ROBO2: variants seen among roughly 807,000 people sequenced by gnomAD.
The protein encoded by ROBO2 is roundabout guidance receptor 2.
In ROBO2, 53 loss-of-function variants were observed where a neutral mutation model predicts 160.8. That is an observed-to-expected ratio of 0.33 (90% CI 0.26 to 0.41). The LOEUF (loss-of-function observed/expected upper bound fraction) is 0.41. ROBO2 is among the 10% of genes least tolerant of loss of function. The pLI, the probability that ROBO2 is intolerant of heterozygous loss-of-function variation, is 1.00. For missense variants in ROBO2, 1,577 were observed against 1,722.4 expected, an observed-to-expected ratio of 0.92 and a Z score of 1.49; for synonymous variants, 664 against 611.7, an observed-to-expected ratio of 1.09 and a Z score of -1.26.
intron 2 of ROBO2, among the ~76,000 whole-genome samples, chr3:77,183,433 T>C (rs2080982647): frequency 1.3e-5 from 2 of 151,904 alleles, no homozygotes; most frequent in Admixed American, 1.3e-4. Context: ...TAAAATGAGG[T>C]CATCAGGGTG....
intron 2 of ROBO2, among the ~76,000 whole-genome samples, chr3:77,290,266 C>T (rs1410219223): frequency 1.5e-5 from 2 of 134,608 alleles, no homozygotes; most frequent in African/African-American, 5.9e-5. Flanking sequence ...GAAGTTGAGG[C>T]TAGAACAGTA....
chr3:77,112,776 T>C (rs2073793216), intron 2 of ROBO2, among the ~76,000 whole-genome samples: 1 of 152,232 alleles, frequency 6.6e-6, no homozygotes, highest in African/African-American at 2.4e-5. Context: ...GATTATGCTA[T>C]ATGTGTTCTT....
rs543997285 is a variant in ROBO2 at position 77,401,064 on chromosome 3, A to G, written c.389-76350A>G. Among the ~76,000 whole-genome samples the G allele has an allele frequency of 5.3e-5, 8 of 152,206 alleles. No homozygotes were observed. In the East Asian group the frequency reaches 1.5e-3, roughly 29 times the overall value. On this transcript the variant is annotated intron_variant, in intron 2 of 25. Transcript: ENST00000461745. Reference sequence around the variant, plus strand: ...TCCACGATTCTTGGTTATTTCCTCCATAGAAGCCATGAACATAGAGGATAC... The same window carrying G: ...TCCACGATTCTTGGTTATTTCCTCCGTAGAAGCCATGAACATAGAGGATAC...
chr3:75,966,734 A>G (rs1009562177), intron 2 of ROBO2, among the ~76,000 whole-genome samples: 1 of 151,684 alleles, frequency 6.6e-6, no homozygotes, highest in Non-Finnish European at 1.5e-5. Context: ...TAGTGCCTAT[A>G]TTCTGATCTC....
chr3:76,656,423 G>A (rs562743937), intron 2 of ROBO2, among the ~76,000 whole-genome samples: 1 of 152,010 alleles, frequency 6.6e-6, no homozygotes, highest in East Asian at 1.9e-4. Context: ...ACTACACATA[G>A]CACTATTAAT....
chr3:77,044,167 A>T (rs922597040), intron 1 of ROBO2, among the ~76,000 whole-genome samples: 1 of 121,490 alleles, frequency 8.2e-6, no homozygotes, highest in African/African-American at 3.4e-5. Context: ...AAAATATTGT[A>T]AAAAAAAAAA....
At position 76,759,098 on chromosome 3, in the gene ROBO2, C is replaced by G. The variant is rs73844038; in HGVS notation, c.110-338916C>G. 1.8e-3 allele frequency among the ~76,000 whole-genome samples: 274 copies of G among 151,922 alleles called. 2 individuals are homozygous for G. The highest frequency in any genetic ancestry group is 6.1e-3 in the African/African-American group (254 of 41,514). On this transcript the variant is annotated intron_variant, in intron 2 of 26. Coordinates refer to the ROBO2 transcript ENST00000487694. ...ATATATTTACTTTTTCCAATCTCCA[C>G]TGTGTTAGAACTGGAACGAAACTTA... is the stretch of plus-strand genomic sequence containing the variant.
intron 2 of ROBO2, among the ~76,000 whole-genome samples, chr3:77,231,363 C>CA (rs60535204): frequency 0.44 from 26,159 of 59,448 alleles, 5,168 homozygotes; most frequent in Middle Eastern, 0.54. Flanking sequence ...AGACTCCATC[C>CA]AAAAAAAAAA....
intron 2 of ROBO2, among the ~76,000 whole-genome samples, chr3:76,928,536 T>A (rs2077130105): frequency 6.6e-6 from 1 of 152,020 alleles, no homozygotes; most frequent in African/African-American, 2.4e-5. Context: ...TTTAATATTA[T>A]TAGATGTTCT....
At chr3:76,410,670 G>T (rs1365537134) in intron 2 of ROBO2, among the ~76,000 whole-genome samples, 1 of 152,098 alleles carries the variant, frequency 6.6e-6, no homozygotes, top group Non-Finnish European at 1.5e-5. Flanking sequence ...TTATGTAGAA[G>T]AAGAGAAATG....
At chr3:77,166,978 A>G (rs2079155240) in intron 2 of ROBO2, among the ~76,000 whole-genome samples, 1 of 152,172 alleles carries the variant, frequency 6.6e-6, no homozygotes, top group South Asian at 2.1e-4. Context: ...ATGTTTCTTT[A>G]TTCTTTCTTG....
At chr3:77,098,632 G>T (rs1485698523) in intron 2 of ROBO2, among the ~76,000 whole-genome samples, 1 of 152,050 alleles carries the variant, frequency 6.6e-6, no homozygotes, top group Non-Finnish European at 1.5e-5. Flanking sequence ...CGGATCACGA[G>T]GTCAGGAGAT....
intron 2 of ROBO2, among the ~76,000 whole-genome samples, chr3:77,125,033 A>G (rs928412270): frequency 2.0e-5 from 3 of 152,098 alleles, no homozygotes; most frequent in Non-Finnish European, 2.9e-5. Context: ...TTCCAGTAAC[A>G]TCAGAATTCC....
intron 2 of ROBO2, among the ~76,000 whole-genome samples, chr3:76,290,756 T>C (rs981644705): frequency 1.2e-4 from 18 of 152,272 alleles, no homozygotes; most frequent in African/African-American, 4.1e-4. Flanking sequence ...ATTGAAAGAC[T>C]TTTCTGCGTT....
intron 2 of ROBO2, among the ~76,000 whole-genome samples, chr3:77,421,275 A>T (rs2077690723): frequency 6.6e-6 from 1 of 152,172 alleles, no homozygotes; most frequent in Non-Finnish European, 1.5e-5. Flanking sequence ...ATTTTGAGAT[A>T]CTTTTGTTTT....
chr3:75,924,193 G>A (rs1222605856), intron 1 of ROBO2, among the ~76,000 whole-genome samples: 3 of 152,180 alleles, frequency 2.0e-5, no homozygotes, highest in Non-Finnish European at 4.4e-5. Context: ...CAGCATGGGA[G>A]CATTGTGGTT....
intron 2 of ROBO2, among the ~76,000 whole-genome samples, chr3:77,292,707 C>A (rs1248058131): frequency 2.3e-3 from 171 of 73,518 alleles, no homozygotes; most frequent in South Asian, 4.3e-3. Flanking sequence ...TAGATCACCC[C>A]AGACATAAAG....
At chr3:77,647,412 C>T (rs912691052) in exon 26 of ROBO2, 27 of 151,686 alleles carry the variant, frequency 1.8e-4, no homozygotes, top group African/African-American at 6.1e-4. Context: ...TACGTTTGAC[C>T]CATTTTGAAT....
At chr3:77,228,568 C>T (rs1282964311) in intron 2 of ROBO2, among the ~76,000 whole-genome samples, 1 of 151,880 alleles carries the variant, frequency 6.6e-6, no homozygotes. Flanking sequence ...ACATCACACA[C>T]TGGGACCTGT....
Sources: allele counts gnomAD v4.1 joint callset (sites outside exome capture counted in the v4.1 genomes callset), GRCh38; gene constraint gnomAD v4.1.1; transcripts MANE v1.5; gene names NCBI Gene and HGNC (gene_info 2026-07-23, HGNC 2026-07-21).